The following NEDD4L variants were observed in gnomAD, a reference collection of about 807,000 sequenced individuals.
The protein encoded by NEDD4L is E3 ubiquitin-protein ligase NEDD4-like.
A neutral mutation model predicts 148.9 loss-of-function variants in NEDD4L; 54 were observed. That is an observed-to-expected ratio of 0.36 (90% CI 0.29 to 0.45). The LOEUF is 0.45. Among genes scored for constraint, NEDD4L ranks in the 20% least tolerant of loss-of-function variants. NEDD4L has a pLI of 1.00. For missense variants in NEDD4L, 856 were observed against 1,233.8 expected, an observed-to-expected ratio of 0.69 and a Z score of 4.59; for synonymous variants, 433 against 440.7, an observed-to-expected ratio of 0.98 and a Z score of 0.22.
chr18:58,298,092 A>G (rs2055921431), intron 5 of NEDD4L, among the ~76,000 whole-genome samples: 2 of 152,236 alleles, frequency 1.3e-5, no homozygotes, highest in African/African-American at 2.4e-5. Context: ...CAGTGATACT[A>G]CATGAGAATA....
intron 13 of NEDD4L, among the ~76,000 whole-genome samples, chr18:58,336,806 G>A (rs982780893): frequency 6.6e-6 from 1 of 152,188 alleles, no homozygotes; most frequent in South Asian, 2.1e-4. Flanking sequence ...TGAGTCATGT[G>A]TTGAGTGAGG....
At chr18:58,111,896 T>TC (rs35820126) in intron 1 of NEDD4L, among the ~76,000 whole-genome samples, 1 of 152,002 alleles carries the variant, frequency 6.6e-6, no homozygotes, top group Non-Finnish European at 1.5e-5. Context: ...CATTTGACAT[T>TC]CCCCCCCAGC....
At chr18:58,280,341 G>A (rs150662643) in intron 5 of NEDD4L, among the ~76,000 whole-genome samples, 4 of 152,130 alleles carry the variant, frequency 2.6e-5, no homozygotes, top group East Asian at 1.9e-4. Context: ...TGTGTGTTCC[G>A]TGCCACTGTC....
intron 23 of NEDD4L, among the ~76,000 whole-genome samples, chr18:58,371,044 TA>T (rs1312630248): frequency 3.9e-4 from 59 of 152,070 alleles, no homozygotes; most frequent in African/African-American, 1.3e-3. Context: ...ATTTTTTTTT[TA>T]TTTTTTTTAT....
chr18:58,283,558 T>G (rs1050541737), intron 5 of NEDD4L, among the ~76,000 whole-genome samples: 1 of 152,118 alleles, frequency 6.6e-6, no homozygotes, highest in Non-Finnish European at 1.5e-5. Context: ...TACAATACTA[T>G]CCCTTAGTCC....
chr18:58,183,501 C>T (rs1222330804), intron 2 of NEDD4L, among the ~76,000 whole-genome samples: 1 of 152,224 alleles, frequency 6.6e-6, no homozygotes, highest in African/African-American at 2.4e-5. Flanking sequence ...CTCTTTCAAC[C>T]TGCCCTCTGG....
At chr18:58,211,918 A>AG (rs1386672333) in intron 2 of NEDD4L, among the ~76,000 whole-genome samples, 1 of 152,080 alleles carries the variant, frequency 6.6e-6, no homozygotes, top group Non-Finnish European at 1.5e-5. Context: ...TTATCTGGAG[A>AG]GGGGGTTGGG....
chr18:58,131,353 A>G (rs966620152), intron 1 of NEDD4L, among the ~76,000 whole-genome samples: 10 of 135,422 alleles, frequency 7.4e-5, no homozygotes, highest in African/African-American at 2.1e-4. Context: ...ATCTAGCAGA[A>G]CTGTGGTGGT....
chr18:58,274,065 C>G (rs1229624834), intron 5 of NEDD4L, among the ~76,000 whole-genome samples: 1 of 152,140 alleles, frequency 6.6e-6, no homozygotes, highest in Non-Finnish European at 1.5e-5. Flanking sequence ...TTTGGAAAAG[C>G]TTGCTTTAGG....
intron 2 of NEDD4L, among the ~76,000 whole-genome samples, chr18:58,218,935 G>A (rs1337045134): frequency 6.6e-6 from 1 of 152,150 alleles, no homozygotes; most frequent in Non-Finnish European, 1.5e-5. Context: ...CATTGTGTTG[G>A]AGCTGGTGTG....
chr18:58,109,135 G>T lies in NEDD4L; in HGVS notation c.49-56653G>T, dbSNP rs150037440. On this transcript the variant is annotated intron_variant, in intron 1 of 30. Coordinates refer to ENST00000400345, the MANE Select transcript of NEDD4L (RefSeq NM_001144967.3). ...TTCAACAATTGAAGTCTGAGAACCA[G>T]CCGTGATTAGGTGCTCCAAATTAGA... Among the ~76,000 whole-genome samples the T allele has an allele frequency of 2.5e-4, 38 of 152,118 alleles. 1 individual carries two copies. In the East Asian group the frequency reaches 7.1e-3, roughly 29 times the overall value.
chr18:58,055,082 A>G (rs1222519872), intron 1 of NEDD4L, among the ~76,000 whole-genome samples: 2 of 152,220 alleles, frequency 1.3e-5, no homozygotes, highest in African/African-American at 4.8e-5. Context: ...TGTCACCAGT[A>G]TAATATTAAA....
chr18:58,270,501 C>T (rs140095499), intron 5 of NEDD4L, among the ~76,000 whole-genome samples: 78 of 152,300 alleles, frequency 5.1e-4, no homozygotes, highest in Non-Finnish European at 9.6e-4. Context: ...CTTTCATTCT[C>T]TCTTAAGTAG....
intron 1 of NEDD4L, among the ~76,000 whole-genome samples, chr18:58,124,353 G>A (rs1014615997): frequency 6.6e-6 from 1 of 152,184 alleles, no homozygotes; most frequent in Non-Finnish European, 1.5e-5. Flanking sequence ...CACTAAGCCC[G>A]ATTTCTGTGT....
intron 5 of NEDD4L, among the ~76,000 whole-genome samples, chr18:58,280,460 A>G (rs1170894997): frequency 6.6e-6 from 1 of 152,176 alleles, no homozygotes; most frequent in African/African-American, 2.4e-5. Flanking sequence ...AAGAAAGGAA[A>G]GCCAAGGAGC....
chr18:58,128,295 C>A (rs1012313129), intron 1 of NEDD4L, among the ~76,000 whole-genome samples: 3 of 152,208 alleles, frequency 2.0e-5, no homozygotes, highest in African/African-American at 7.2e-5. Flanking sequence ...GATCCACCCG[C>A]CTCGGCCTCC....
chr18:58,153,564 A>G (rs185767043), intron 1 of NEDD4L, among the ~76,000 whole-genome samples: 171 of 150,774 alleles, frequency 1.1e-3, no homozygotes, highest in Non-Finnish European at 2.0e-3. Context: ...GGTCTCGCAA[A>G]CTCCTGACTT....
At chr18:58,249,615 C>A (rs2047662335) in intron 4 of NEDD4L, among the ~76,000 whole-genome samples, 1 of 152,220 alleles carries the variant, frequency 6.6e-6, no homozygotes, top group Non-Finnish European at 1.5e-5. Context: ...AAAGGACTTT[C>A]TCTTCAAAAC....
At chr18:58,203,874 GA>G (rs1395324582) in intron 2 of NEDD4L, among the ~76,000 whole-genome samples, 16 of 152,102 alleles carry the variant, frequency 1.1e-4, no homozygotes, top group Non-Finnish European at 2.2e-4. Context: ...CATAATTAGA[GA>G]AAGTTTTTCA....
Sources: allele counts gnomAD v4.1 joint callset (sites outside exome capture counted in the v4.1 genomes callset), GRCh38; gene constraint gnomAD v4.1.1; transcripts MANE v1.5; gene names NCBI Gene and HGNC (gene_info 2026-07-23, HGNC 2026-07-21).